Variants in MAGI1 observed in about 807,000 individuals in gnomAD.
MAGI1 encodes membrane associated guanylate kinase, WW and PDZ domain containing 1.
A neutral mutation model predicts 139.9 loss-of-function variants in MAGI1; 58 were observed. The ratio of observed to expected loss-of-function variants is 0.41; its 90% CI spans 0.34 to 0.52. The LOEUF is 0.52. MAGI1 is among the 20% of genes least tolerant of loss of function. The probability of loss-of-function intolerance (pLI) is 0.12; values close to 1 mark genes in which losing one functional copy is unlikely to be tolerated. For missense variants in MAGI1, 1,874 were observed against 1,901.6 expected (o/e 0.99, Z 0.27); for synonymous variants, 812 against 737.9 (o/e 1.10, Z -1.63).
At chr3:65,688,097 T>C in intron 1 of MAGI1, 1 of 758,642 alleles carries the variant, frequency 1.3e-6, no homozygotes, top group South Asian at 1.3e-5. Flanking sequence ...CCCTGAACAC[T>C]GCACATAGGT....
intron 2 of MAGI1, among the ~76,000 whole-genome samples, chr3:65,619,090 G>C (rs1162736294): frequency 6.6e-6 from 1 of 152,316 alleles, no homozygotes; most frequent in East Asian, 1.9e-4. Flanking sequence ...AATAGCACTG[G>C]ATGAACACTT....
chr3:65,741,321 C>T (rs1326042341), intron 1 of MAGI1, among the ~76,000 whole-genome samples: 2 of 152,028 alleles, frequency 1.3e-5, no homozygotes, highest in African/African-American at 4.8e-5. Context: ...ACTACAGATG[C>T]CCGCCACCAC....
chr3:65,808,898 G>C (rs1458332649), intron 1 of MAGI1, among the ~76,000 whole-genome samples: 4 of 152,156 alleles, frequency 2.6e-5, no homozygotes, highest in Non-Finnish European at 4.4e-5. Flanking sequence ...AACTCTGCTG[G>C]GAAATGTGAG....
intron 1 of MAGI1, among the ~76,000 whole-genome samples, chr3:65,943,143 T>C (rs1270328044): frequency 6.6e-6 from 1 of 152,266 alleles, no homozygotes; most frequent in Non-Finnish European, 1.5e-5. Flanking sequence ...ATTATAATGT[T>C]TACAGTTGCA....
At chr3:65,788,598 A>G (rs1418581702) in intron 1 of MAGI1, among the ~76,000 whole-genome samples, 1 of 152,222 alleles carries the variant, frequency 6.6e-6, no homozygotes. Context: ...CTTGCACTCA[A>G]GACCCTCTGT....
intron 1 of MAGI1, among the ~76,000 whole-genome samples, chr3:65,897,733 T>C (rs2061038972): frequency 6.6e-6 from 1 of 151,712 alleles, no homozygotes; most frequent in Non-Finnish European, 1.5e-5. Context: ...CATGGTGGTG[T>C]ACCCCTGCAG....
In MAGI1 at chr3:65,723,454, G is replaced by A. The variant is rs564061781; in HGVS notation, c.314-101366C>T. ...TCTCTAGGGGCAGAAATAATAGCAAGAGCCATCTCTTGGCACCTCTGGCTG... is the reference window on the plus strand; with the variant it reads ...TCTCTAGGGGCAGAAATAATAGCAAAAGCCATCTCTTGGCACCTCTGGCTG... On this transcript the variant is annotated intron_variant, in intron 1 of 22. Transcript: ENST00000402939. 4.6e-5 allele frequency among the ~76,000 whole-genome samples: 7 copies of A among 152,144 alleles called. No homozygotes were observed. The East Asian group carries it at 1.2e-3, about 25-fold the overall frequency.
chr3:65,950,090 C>CAAAAAAAAAAAAAAAAAAAAAAAAAA (rs1269489815), intron 1 of MAGI1, among the ~76,000 whole-genome samples: 3 of 17,062 alleles, frequency 1.8e-4, no homozygotes, highest in Non-Finnish European at 2.6e-4. Flanking sequence ...AAAAAAAAAA[C>CAAAAAAAAAAAAAAAAAAAAAAAAAA]AAACAAAAAA....
chr3:65,803,315 G>GA (rs2040633936), intron 1 of MAGI1, among the ~76,000 whole-genome samples: 1 of 151,976 alleles, frequency 6.6e-6, no homozygotes, highest in African/African-American at 2.4e-5. Flanking sequence ...TTGTACATAT[G>GA]AAAAAATATC....
intron 9 of MAGI1, among the ~76,000 whole-genome samples, chr3:65,439,478 T>C (rs1948085925): frequency 6.6e-6 from 1 of 152,178 alleles, no homozygotes; most frequent in Non-Finnish European, 1.5e-5. Flanking sequence ...CTCTTTCTGA[T>C]TCTTTACATG....
At position 65,425,108 on chromosome 3, in the gene MAGI1, TAAAAA is replaced by T. The variant is rs72030632; in HGVS notation, c.2167+4407_2167+4411del. ...AAAAAAAACCTACCAGTAGAACTTC[TAAAAA>T]AAAAAAAAAAAAAAAAAAACAAAAA... On this transcript the variant is annotated intron_variant, in intron 12 of 22. Transcript: ENST00000402939. 6.5e-3 allele frequency among the ~76,000 whole-genome samples: 435 copies of T among 66,510 alleles called. 2 individuals carry two copies. The highest frequency in any genetic ancestry group is 0.01 in the Non-Finnish European group (296 of 28,794). 43.6% of individuals were successfully genotyped at this position (66,510 alleles called of 152,430 possible).
intron 1 of MAGI1, among the ~76,000 whole-genome samples, chr3:65,918,085 T>C (rs2061992948): frequency 6.6e-6 from 1 of 152,130 alleles, no homozygotes; most frequent in African/African-American, 2.4e-5. Flanking sequence ...AATCTAAAAA[T>C]GCTCTAACGA....
chr3:65,726,585 T>A lies in MAGI1; in HGVS notation c.314-104497A>T, dbSNP rs553798437. 4.6e-5 allele frequency among the ~76,000 whole-genome samples: 7 copies of A among 152,302 alleles called. No homozygotes were observed. In the South Asian group the frequency reaches 1.5e-3, roughly 32 times the overall value. ...AATAATGCCACCCTCAGTTCATTGG[T>A]GATATCTCAAAAATGGCTAGAGAGA... On this transcript the variant is annotated intron_variant, in intron 1 of 22. Coordinates refer to ENST00000402939, the MANE Select transcript of MAGI1 (RefSeq NM_001033057.2).
At chr3:65,428,314 A>C (rs1278385063) in intron 12 of MAGI1, among the ~76,000 whole-genome samples, 2 of 152,212 alleles carry the variant, frequency 1.3e-5, no homozygotes, top group East Asian at 3.8e-4. Flanking sequence ...TAAAACTATC[A>C]GTCACGACTA....
At chr3:65,712,579 C>A (rs2031627401) in intron 1 of MAGI1, among the ~76,000 whole-genome samples, 1 of 151,870 alleles carries the variant, frequency 6.6e-6, no homozygotes, top group African/African-American at 2.4e-5. Flanking sequence ...GCAGCGTGAT[C>A]TCAGCTCACT....
intron 1 of MAGI1, among the ~76,000 whole-genome samples, chr3:65,679,563 C>T (rs779625731): frequency 1.9e-4 from 29 of 149,764 alleles, no homozygotes; most frequent in Non-Finnish European, 1.6e-4. Context: ...ACTCTGTCTC[C>T]GGAAAAAAAA....
At chr3:65,514,207 A>G (rs1480881993) in intron 2 of MAGI1, among the ~76,000 whole-genome samples, 2 of 151,180 alleles carry the variant, frequency 1.3e-5, no homozygotes, top group African/African-American at 4.9e-5. Context: ...TAAAAACCCT[A>G]GAAGAAAACC....
intron 1 of MAGI1, among the ~76,000 whole-genome samples, chr3:65,694,577 T>C (rs1311171271): frequency 6.6e-6 from 1 of 152,222 alleles, no homozygotes; most frequent in African/African-American, 2.4e-5. Context: ...CAAAAGGGAC[T>C]TAATCAGGAC....
At chr3:65,785,515 C>T (rs777511545) in intron 1 of MAGI1, among the ~76,000 whole-genome samples, 5 of 152,186 alleles carry the variant, frequency 3.3e-5, no homozygotes, top group African/African-American at 4.8e-5. Context: ...GCATTCATTT[C>T]CTTCACTTCT....
Sources: gnomAD v4.1 joint callset for allele counts (sites outside exome capture counted in the v4.1 genomes callset) on GRCh38, gnomAD v4.1.1 for gene constraint, MANE v1.5 for transcripts, NCBI Gene and HGNC (gene_info 2026-07-23, HGNC 2026-07-21) for gene names.